ADAM19: variants seen among roughly 807,000 people sequenced by gnomAD.
ADAM19 encodes the protein ADAM metallopeptidase domain 19, also known as disintegrin and metalloproteinase domain-containing protein 19.
ADAM19 carries 65 observed loss-of-function variants against 114.7 expected under a neutral mutation model. The ratio of observed to expected loss-of-function variants is 0.57; its 90% CI spans 0.46 to 0.70. ADAM19 has a LOEUF of 0.70. Among genes scored for constraint, ADAM19 ranks in the 30% least tolerant of loss-of-function variants. ADAM19 has a pLI of 0.00. For missense variants in ADAM19, 1,063 were observed against 1,204.7 expected (o/e 0.88, Z 1.74); for synonymous variants, 466 against 460.5 (o/e 1.01, Z -0.15).
At chr5:157,505,132 A>C (rs1755699906) in intron 11 of ADAM19, among the ~76,000 whole-genome samples, 1 of 151,288 alleles carries the variant, frequency 6.6e-6, no homozygotes. Flanking sequence ...AAAAAAAAAA[A>C]AAAAAAATTT....
At chr5:157,498,917 G>A (rs1755459155) in intron 13 of ADAM19, among the ~76,000 whole-genome samples, 1 of 151,882 alleles carries the variant, frequency 6.6e-6, no homozygotes, top group African/African-American at 2.4e-5. Flanking sequence ...CACCAAATGT[G>A]TTTACATTTT....
rs1194445214 is a variant in ADAM19 at position 157,489,106 on chromosome 5, C to T, written c.2321G>A (p.Arg774Gln). 3.7e-6 allele frequency: 6 copies of T among 1,613,710 alleles called. No homozygotes were observed. The highest frequency in any genetic ancestry group is 4.5e-5 in the East Asian group (2 of 44,898). ...TFKLQTPQGKRKVINTPEILR... is the reference protein window; with the variant it reads ...TFKLQTPQGKQKVINTPEILR... ...TCAGTGGTGCAAAGCTCTTACCTTTCGCTTGCCCTGGGGCGTCTGCAGCTT... is the reference window on the plus strand; with the variant it reads ...TCAGTGGTGCAAAGCTCTTACCTTTTGCTTGCCCTGGGGCGTCTGCAGCTT... Residue 774 changes from arginine to glutamine, a missense_variant, in exon 20 of 23, where the codon CGA becomes CAA. Arg to Gln is a conservative substitution (Grantham distance 43, BLOSUM62 1). Coordinates refer to ENST00000257527, the MANE Select transcript of ADAM19 (RefSeq NM_033274.5).
intron 21 of ADAM19, 65 bp from the exon 22 acceptor site, chr5:157,482,008 T>G (rs569397548): frequency 2.4e-5 from 31 of 1,294,848 alleles, no homozygotes; most frequent in Non-Finnish European, 3.2e-5. Flanking sequence ...ATATCCCTGA[T>G]ATCTTACAGG....
chr5:157,544,874 A>G (rs972906381), intron 3 of ADAM19, among the ~76,000 whole-genome samples: 3 of 152,230 alleles, frequency 2.0e-5, no homozygotes, highest in African/African-American at 7.2e-5. Context: ...CCTGAAGGGA[A>G]AGACGAATGT....
chr5:157,482,820 T>C (rs1754798190), intron 21 of ADAM19, among the ~76,000 whole-genome samples: 1 of 152,174 alleles, frequency 6.6e-6, no homozygotes, highest in Non-Finnish European at 1.5e-5. Flanking sequence ...TGCCCATCAA[T>C]GATAGACTGA....
intron 21 of ADAM19, among the ~76,000 whole-genome samples, chr5:157,484,984 C>T (rs541889653): frequency 9.2e-5 from 14 of 152,252 alleles, no homozygotes; most frequent in Non-Finnish European, 1.9e-4. Context: ...AGGGCCCTCG[C>T]CCAGCACTGT....
At chr5:157,561,850 A>G (rs1757517362) in intron 3 of ADAM19, among the ~76,000 whole-genome samples, 1 of 151,978 alleles carries the variant, frequency 6.6e-6, no homozygotes, top group Non-Finnish European at 1.5e-5. Flanking sequence ...AGCTCCATAA[A>G]GGCTGTACTG....
In ADAM19 at chr5:157,480,910, C is replaced by G. The variant is rs774520092; in HGVS notation, c.*39G>C. ...ATGGCCATGGGTCCTCTGCAGTGTC[C>G]AGAGAGCTCAAGGAAAGGGAGAAGC... is the stretch of plus-strand genomic sequence containing the variant. On this transcript the variant is annotated 3_prime_UTR_variant, in exon 23 of 23. Transcript: ENST00000257527. The G allele has an allele frequency of 3.1e-6, 5 of 1,613,804 alleles. No individual in the cohort carries two copies. In the African/African-American group the frequency reaches 6.7e-5, roughly 22 times the overall value.
chr5:157,496,959 T>A lies in ADAM19; in HGVS notation c.1529A>T (p.Gln510Leu). The part of the protein sequence containing the change: ...QMDGTPCEGG[Q>L]AYCYNGMCLT... ...GCACATGCCGTTGTAGCAGTAGGCC[T>A]GGCCGCCCTCACAGGGGGTACCATC... The change falls in exon 14 of 23, where the codon CAG (glutamine) becomes CTG (leucine). Residue 510 changes from glutamine (Q) to leucine (L), a missense_variant. By Grantham distance (113) the Gln-to-Leu change is moderately radical. Transcript: ENST00000257527. The A allele has an allele frequency of 6.3e-7, 1 of 1,599,592 alleles. No homozygotes were observed. The highest frequency in any genetic ancestry group is 2.3e-5 in the East Asian group (1 of 43,272).
Position 157,509,335 on chromosome 5 carries a change from C to A in ADAM19, c.871G>T (p.Ala291Ser). ...TGGGCGTTGTCATGGTACTTCTGGG[C>A]AAGCAGCTTGCGCCTCCAACTGAGA... ...SFLSWRRKLLAQKYHDNAQLI... is the reference protein window; with the variant it reads ...SFLSWRRKLLSQKYHDNAQLI... The change falls in exon 9 of 23, where the codon GCC becomes TCC. Residue 291 changes from alanine to serine, a missense_variant. By Grantham distance (99) the Ala-to-Ser change is moderately conservative (BLOSUM62 1). This residue lies in a region of ADAM19 where 615 missense variants were observed against 706.3 expected (regional missense o/e 0.87). Transcript: ENST00000257527. 6.2e-7 allele frequency: 1 copy of A among 1,611,748 alleles called. No individual in the cohort carries two copies.
At chr5:157,488,797 C>T (rs1018655826) in intron 20 of ADAM19, among the ~76,000 whole-genome samples, 20 of 152,068 alleles carry the variant, frequency 1.3e-4, no homozygotes, top group African/African-American at 3.1e-4. Context: ...TTTGGGAGGC[C>T]GAGGCGGGTG....
At chr5:157,484,131 T>G (rs914446949) in intron 21 of ADAM19, among the ~76,000 whole-genome samples, 10 of 152,206 alleles carry the variant, frequency 6.6e-5, no homozygotes, top group Non-Finnish European at 1.5e-5. Flanking sequence ...GGCTTTGCCC[T>G]GACTACCTTA....
At chr5:157,571,062 C>T (rs1757807956) in intron 1 of ADAM19, 82 bp from the exon 2 acceptor site, 2 of 1,181,926 alleles carry the variant, frequency 1.7e-6, no homozygotes, top group Admixed American at 2.0e-5. Context: ...CTGTGAGCTG[C>T]CCCTGCACTG....
intron 11 of ADAM19, among the ~76,000 whole-genome samples, chr5:157,505,203 CA>C (rs1414797861): frequency 6.6e-6 from 1 of 151,444 alleles, no homozygotes; most frequent in Non-Finnish European, 1.5e-5. Flanking sequence ...ATGTGGCCTG[CA>C]AACTCCCTGA....
At position 157,520,074 on chromosome 5, in the gene ADAM19, T is replaced by A. The variant is rs765169898; in HGVS notation, c.408-43A>T. The A allele has an allele frequency of 1.9e-6, 3 of 1,563,986 alleles. No homozygotes were observed. The South Asian group carries it at 3.5e-5, about 18-fold the overall frequency. ...AGAATCTCTGGTCAAAGATTATGGT[T>A]CTGAAAAAGTCCCTTGTGTAGGTCT... On this transcript the variant is annotated intron_variant, in intron 5 of 22. Coordinates refer to ENST00000257527, the MANE Select transcript of ADAM19 (RefSeq NM_033274.5).
At chr5:157,499,495 G>GCCATCCA (rs1755479531) in intron 13 of ADAM19, 78 bp downstream of exon 13, 1 of 1,280,752 alleles carries the variant, frequency 7.8e-7, no homozygotes, top group African/African-American at 1.5e-5. Flanking sequence ...CAAATCCCCA[G>GCCATCCA]CCATCCACCC....
rs1332076059 is a variant in ADAM19 at position 157,505,763 on chromosome 5, C to T, written c.1036G>A (p.Glu346Lys). The T allele has an allele frequency of 3.1e-6, 5 of 1,613,958 alleles. No individual in the cohort carries two copies. The highest frequency in any genetic ancestry group is 1.7e-5 in the Admixed American group (1 of 60,002). Residue 346 changes from glutamate to lysine, a missense_variant, in exon 11 of 23, where the codon GAG becomes AAG. Physicochemically the swap from Glu to Lys is moderately conservative, Grantham distance 56. Around this residue, in one of 3 missense-constraint regions of ADAM19, gnomAD observed 615 missense variants for 706.3 expected, o/e 0.87. Transcript: ENST00000257527. ...GTCATGCCAAAGTTGTGGCCCATCT[C>T]GTGGGCCATGGTGGCAGCCACGCCA... is the stretch of plus-strand genomic sequence containing the variant. ...AIGVAATMAH[E>K]MGHNFGMTHD...
At chr5:157,506,321 CAGAA>C (rs1396169002) in intron 10 of ADAM19, among the ~76,000 whole-genome samples, 3 of 152,194 alleles carry the variant, frequency 2.0e-5, no homozygotes, top group Non-Finnish European at 4.4e-5. Flanking sequence ...AAAGAAGCAG[CAGAA>C]AGAGATTTAC....
chr5:157,507,151 C>T lies in ADAM19; in HGVS notation c.906-11G>A, dbSNP rs1755770986. On this transcript the variant is annotated splice_polypyrimidine_tract_variant and intron_variant, in intron 9 of 22. Transcript: ENST00000257527. ...TGGAAGGACATGCCCCTGCAGGAGG[C>T]AAGGAGAGACGGTGACCGGGGACGA... The T allele has an allele frequency of 6.2e-7, 1 of 1,613,316 alleles. No homozygotes were observed. The highest frequency in any genetic ancestry group is 1.3e-5 in the African/African-American group (1 of 74,890).
Sources: allele counts gnomAD v4.1 joint callset (sites outside exome capture counted in the v4.1 genomes callset), GRCh38; gene constraint gnomAD v4.1.1; regional missense constraint gnomAD v4.1.1; transcripts MANE v1.5; gene names NCBI Gene and HGNC (gene_info 2026-07-23, HGNC 2026-07-21).